The following SMAD9 variants were observed in gnomAD, a reference collection of about 807,000 sequenced individuals.
The protein encoded by SMAD9 is SMAD family member 9.
SMAD9 carries 36 observed loss-of-function variants against 46.1 expected under a neutral mutation model. The observed-to-expected ratio is 0.78, with a 90% CI of 0.60 to 1.03. The LOEUF is 1.03. Ranked by LOEUF, SMAD9 falls within the 50% of genes least tolerant of loss-of-function variation. The pLI is 0.00. For missense variants in SMAD9, 572 were observed against 599.8 expected, an observed-to-expected ratio of 0.95 and a Z score of 0.48; for synonymous variants, 245 against 237.1, an observed-to-expected ratio of 1.03 and a Z score of -0.31.
chr13:36,883,559 T>C (rs1376347821), intron 1 of SMAD9, among the ~76,000 whole-genome samples: 1 of 152,202 alleles, frequency 6.6e-6, no homozygotes, highest in Non-Finnish European at 1.5e-5. Flanking sequence ...GAGACCAGCC[T>C]GGACAACATG....
chr13:36,871,126 G>A (rs192501666), intron 3 of SMAD9, among the ~76,000 whole-genome samples: 5 of 152,310 alleles, frequency 3.3e-5, no homozygotes, highest in South Asian at 2.1e-4. Context: ...TGCACCTCTA[G>A]CACTGGCCCA....
At chr13:36,861,553 T>TCTC (rs577025444) in intron 5 of SMAD9, among the ~76,000 whole-genome samples, 4,715 of 149,368 alleles carry the variant, frequency 0.032, 259 homozygotes, top group African/African-American at 0.11. Context: ...CGACCTCAGG[T>TCTC]GACCTGCCTG....
chr13:36,913,986 G>A (rs940951440), intron 1 of SMAD9, among the ~76,000 whole-genome samples: 2 of 152,146 alleles, frequency 1.3e-5, no homozygotes, highest in Admixed American at 6.5e-5. Flanking sequence ...ATCCTGCATA[G>A]TTATTTGGAA....
rs77916491 is a variant in SMAD9 at position 36,856,050 on chromosome 13, G to A, written c.1004-2375C>T. Reference sequence around the variant, plus strand: ...AGGGCCTAGGTGGTGGTGCCAGGGGGCAGAAGGATGGTCCTAACTGGCTGG... The same window carrying A: ...AGGGCCTAGGTGGTGGTGCCAGGGGACAGAAGGATGGTCCTAACTGGCTGG... On this transcript the variant is annotated intron_variant, in intron 5 of 6. Coordinates refer to ENST00000379826, the MANE Select transcript of SMAD9 (RefSeq NM_001127217.3). Among the ~76,000 whole-genome samples, 451 of 152,298 alleles carry A rather than the reference G, an allele frequency of 3.0e-3. 1 individual carries two copies. The highest frequency in any genetic ancestry group is 0.011 in the African/African-American group (439 of 41,566).
intron 3 of SMAD9, among the ~76,000 whole-genome samples, chr13:36,868,773 T>C (rs2058260163): frequency 6.6e-6 from 1 of 152,064 alleles, no homozygotes; most frequent in Admixed American, 6.6e-5. Flanking sequence ...GAAAATAGAA[T>C]TACCATATAA....
intron 1 of SMAD9, among the ~76,000 whole-genome samples, chr13:36,906,119 G>A (rs911746180): frequency 1.3e-5 from 2 of 151,940 alleles, no homozygotes; most frequent in African/African-American, 4.8e-5. Context: ...AGCCACAAAG[G>A]CCAAATGGCC....
chr13:36,889,528 A>G (rs1365497810), intron 1 of SMAD9, among the ~76,000 whole-genome samples: 2 of 152,208 alleles, frequency 1.3e-5, no homozygotes, highest in Non-Finnish European at 2.9e-5. Flanking sequence ...ATGTTACTTA[A>G]AGGCAATTCT....
chr13:36,909,008 C>T (rs986434049), intron 1 of SMAD9, among the ~76,000 whole-genome samples: 1 of 152,190 alleles, frequency 6.6e-6, no homozygotes, highest in Non-Finnish European at 1.5e-5. Flanking sequence ...CTTGGGAAGC[C>T]TTGGTCTACA....
intron 5 of SMAD9, among the ~76,000 whole-genome samples, chr13:36,859,528 G>A (rs1411361188): frequency 6.6e-6 from 1 of 152,110 alleles, no homozygotes; most frequent in Non-Finnish European, 1.5e-5. Flanking sequence ...AGTAACCTCT[G>A]GTCATTCTCA....
At chr13:36,873,181 G>C (rs1351898585) in intron 2 of SMAD9, among the ~76,000 whole-genome samples, 1 of 152,100 alleles carries the variant, frequency 6.6e-6, no homozygotes, top group African/African-American at 2.4e-5. Flanking sequence ...ATTCACAAAA[G>C]CATTTGGAGA....
intron 1 of SMAD9, among the ~76,000 whole-genome samples, chr13:36,882,664 A>G (rs536903686): frequency 2.0e-5 from 3 of 152,356 alleles, no homozygotes; most frequent in South Asian, 2.1e-4. Context: ...CACCCAATTC[A>G]TAACAGTGGC....
intron 1 of SMAD9, among the ~76,000 whole-genome samples, chr13:36,905,815 A>C (rs960377167): frequency 6.9e-4 from 71 of 102,812 alleles, no homozygotes; most frequent in South Asian, 1.9e-3. Flanking sequence ...AAAAAAAAAA[A>C]CTTATATCCT....
intron 1 of SMAD9, among the ~76,000 whole-genome samples, chr13:36,912,731 T>TA (rs1402586632): frequency 1.3e-5 from 2 of 152,224 alleles, no homozygotes; most frequent in Non-Finnish European, 2.9e-5. Context: ...CATAAGGACT[T>TA]ACTGAAAGAA....
At position 36,899,411 on chromosome 13, in the gene SMAD9, G is replaced by C. The variant is rs544436656; in HGVS notation, c.-186-19536C>G. Reference sequence around the variant, plus strand: ...CAGTACTTTTTTGTATATGTTGATAGGGTGATTTTAAAATTTACATGAAAA... The same window carrying C: ...CAGTACTTTTTTGTATATGTTGATACGGTGATTTTAAAATTTACATGAAAA... On this transcript the variant is annotated intron_variant, in intron 1 of 6. Coordinates refer to ENST00000379826, the MANE Select transcript of SMAD9 (RefSeq NM_001127217.3). 2.0e-4 allele frequency among the ~76,000 whole-genome samples: 30 copies of C among 152,252 alleles called. No individual in the cohort carries two copies. The South Asian group carries it at 6.2e-3, about 32-fold the overall frequency.
chr13:36,864,187 T>C (rs1311778034), intron 5 of SMAD9, among the ~76,000 whole-genome samples: 1 of 152,240 alleles, frequency 6.6e-6, no homozygotes. Flanking sequence ...AATTCAAAGA[T>C]TATTTCCTTT....
intron 5 of SMAD9, among the ~76,000 whole-genome samples, chr13:36,859,271 G>A (rs1363889883): frequency 1.3e-5 from 2 of 152,152 alleles, no homozygotes; most frequent in African/African-American, 4.8e-5. Flanking sequence ...AATCCATTGG[G>A]AAAGGAAGCA....
At chr13:36,876,797 T>C (rs571494918) in intron 2 of SMAD9, among the ~76,000 whole-genome samples, 3 of 152,246 alleles carry the variant, frequency 2.0e-5, no homozygotes, top group East Asian at 1.9e-4. Flanking sequence ...TTATGATAAA[T>C]AGGAACTCAG....
Position 36,865,658 on chromosome 13 carries a change from T to A in SMAD9, c.882A>T (p.Arg294=). The A allele has an allele frequency of 6.2e-7, 1 of 1,614,156 alleles. No individual in the cohort carries two copies. Among genetic ancestry groups the A allele is most frequent in the Non-Finnish European group, 8.5e-7 (1 of 1,180,006 alleles). ...RVGETFQASS[R]SVLIDGFTDP... ...CGGTGAACCCATCTATGAGCACACT[T>A]CGGGAGGAAGCCTGGAATGTCTCCC... Residue 294 remains arginine (R), a synonymous_variant, in exon 5 of 7, where the codon CGA becomes CGT. Coordinates refer to ENST00000379826, the MANE Select transcript of SMAD9 (RefSeq NM_001127217.3).
intron 5 of SMAD9, among the ~76,000 whole-genome samples, chr13:36,856,619 T>G (rs1363493291): frequency 6.6e-6 from 1 of 152,114 alleles, no homozygotes; most frequent in East Asian, 1.9e-4. Flanking sequence ...AGGCCAACAA[T>G]GTTATTTGCA....
Sources: allele counts gnomAD v4.1 joint callset (sites outside exome capture counted in the v4.1 genomes callset), GRCh38; gene constraint gnomAD v4.1.1; transcripts MANE v1.5; gene names NCBI Gene and HGNC (gene_info 2026-07-23, HGNC 2026-07-21).